The following CTIF variants were observed in gnomAD, a reference collection of about 807,000 sequenced individuals.
CTIF encodes CBP80/20-dependent translation initiation factor.
Under a neutral mutation model 66.0 loss-of-function variants are expected in CTIF, and 21 were observed. That is an observed-to-expected ratio of 0.32 (90% CI 0.23 to 0.46). The LOEUF (loss-of-function observed/expected upper bound fraction) is 0.46. Among genes scored for constraint, CTIF ranks in the 20% least tolerant of loss-of-function variants. CTIF has a pLI of 1.00. For missense variants in CTIF, 739 were observed against 812.7 expected (o/e 0.91, Z 1.10); for synonymous variants, 345 against 326.4 (o/e 1.06, Z -0.62).
At chr18:48,647,968 G>A (rs1281292268) in intron 3 of CTIF, among the ~76,000 whole-genome samples, 3 of 152,162 alleles carry the variant, frequency 2.0e-5, no homozygotes, top group Non-Finnish European at 4.4e-5. Context: ...TGGAATGGGG[G>A]GTGTTGATTT....
intron 7 of CTIF, among the ~76,000 whole-genome samples, chr18:48,738,542 C>G (rs540850151): frequency 6.6e-6 from 1 of 152,056 alleles, no homozygotes; most frequent in Non-Finnish European, 1.5e-5. Flanking sequence ...TGTTCCCCCT[C>G]CCCGGATTGC....
intron 6 of CTIF, among the ~76,000 whole-genome samples, chr18:48,684,992 T>C (rs2091811055): frequency 6.6e-6 from 1 of 151,994 alleles, no homozygotes; most frequent in Admixed American, 6.5e-5. Flanking sequence ...ATGTTCTTGA[T>C]AGCTAAAGAA....
At chr18:48,624,972 C>G (rs906335711) in intron 2 of CTIF, among the ~76,000 whole-genome samples, 4 of 152,176 alleles carry the variant, frequency 2.6e-5, no homozygotes, top group Non-Finnish European at 5.9e-5. Context: ...ATGCAGTGAT[C>G]TTTACAAAGG....
intron 9 of CTIF, among the ~76,000 whole-genome samples, chr18:48,764,470 G>C (rs996673122): frequency 1.3e-5 from 2 of 152,156 alleles, no homozygotes; most frequent in Non-Finnish European, 2.9e-5. Flanking sequence ...TATCCCAGGG[G>C]CTGCATAGTG....
In CTIF at chr18:48,619,594, C is replaced by T; in HGVS notation, c.29C>T (p.Ser10Phe). 1 of 1,593,628 alleles carries T rather than the reference C, an allele frequency of 6.3e-7. No individual in the cohort carries two copies. Among genetic ancestry groups the T allele is most frequent in the Non-Finnish European group, 8.5e-7 (1 of 1,170,368 alleles). ...GAAAACTCCTCTGCAGCATCAGCCT[C>T]CTCGGAGGCAGGGAGCAGCCGCTCC... MENSSAASA[S>F]SEAGSSRSQE... Residue 10 changes from serine (S) to phenylalanine (F), a missense_variant, in exon 2 of 12, where the codon TCC (serine) becomes TTC (phenylalanine). By Grantham distance (155) the Ser-to-Phe change is radical. Coordinates refer to ENST00000256413, the MANE Select transcript of CTIF (RefSeq NM_014772.3).
chr18:48,845,600 C>A (rs979874852), intron 10 of CTIF, among the ~76,000 whole-genome samples: 1 of 152,156 alleles, frequency 6.6e-6, no homozygotes, highest in Admixed American at 6.5e-5. Flanking sequence ...ATGTGTTCTC[C>A]AGGTCACCTC....
At chr18:48,673,214 A>C (rs2091565611) in intron 6 of CTIF, among the ~76,000 whole-genome samples, 1 of 152,170 alleles carries the variant, frequency 6.6e-6, no homozygotes, top group African/African-American at 2.4e-5. Context: ...CTTCAGCCTC[A>C]TAACCCCAGC....
chr18:48,794,730 G>C (rs899576326), intron 9 of CTIF, among the ~76,000 whole-genome samples: 6 of 152,214 alleles, frequency 3.9e-5, no homozygotes, highest in Non-Finnish European at 7.3e-5. Flanking sequence ...GGAGATGCTT[G>C]TCAGACTGGA....
intron 1 of CTIF, among the ~76,000 whole-genome samples, chr18:48,587,997 G>A (rs1177613846): frequency 6.6e-6 from 1 of 152,166 alleles, no homozygotes; most frequent in Non-Finnish European, 1.5e-5. Flanking sequence ...GGGAAAATGT[G>A]GTTAAATTAC....
At chr18:48,641,618 C>T (rs536903794) in intron 3 of CTIF, among the ~76,000 whole-genome samples, 3 of 152,348 alleles carry the variant, frequency 2.0e-5, no homozygotes, top group African/African-American at 4.8e-5. Flanking sequence ...GTCAAAGAGC[C>T]TTGTCCCAAG....
intron 3 of CTIF, chr18:48,662,454 TCAGA>T (rs1464024795): frequency 6.6e-6 from 1 of 151,624 alleles, no homozygotes; most frequent in East Asian, 2.0e-4. Flanking sequence ...TTGCCCAGAG[TCAGA>T]CAGCCCAGGT....
intron 9 of CTIF, among the ~76,000 whole-genome samples, chr18:48,810,519 T>A (rs1416119607): frequency 1.3e-5 from 2 of 152,136 alleles, no homozygotes; most frequent in East Asian, 3.8e-4. Context: ...AGTCCCAGTA[T>A]GTAACCTGTA....
At chr18:48,813,405 G>A (rs1312664940) in intron 9 of CTIF, among the ~76,000 whole-genome samples, 1 of 152,158 alleles carries the variant, frequency 6.6e-6, no homozygotes, top group Non-Finnish European at 1.5e-5. Context: ...AAGTTTTCAC[G>A]ACACTGCTCC....
At chr18:48,857,711 G>A in intron 11 of CTIF, 70 bp downstream of exon 11, 1 of 1,431,404 alleles carries the variant, frequency 7.0e-7, no homozygotes, top group Non-Finnish European at 9.5e-7. Context: ...CAGTTCTAGG[G>A]GCACGAGGGT....
intron 10 of CTIF, among the ~76,000 whole-genome samples, chr18:48,853,282 G>A (rs1031781192): frequency 9.9e-5 from 15 of 152,170 alleles, no homozygotes; most frequent in African/African-American, 3.4e-4. Flanking sequence ...TGGGAGGTAG[G>A]TGGGGGATGG....
chr18:48,825,180 C>A (rs911152202), intron 10 of CTIF, among the ~76,000 whole-genome samples: 14 of 152,114 alleles, frequency 9.2e-5, no homozygotes, highest in African/African-American at 3.4e-4. Context: ...TCTCTGTACC[C>A]ACCTCCTGAT....
chr18:48,592,340 C>A (rs923976787), intron 1 of CTIF, among the ~76,000 whole-genome samples: 69 of 151,712 alleles, frequency 4.5e-4, no homozygotes, highest in African/African-American at 1.4e-3. Context: ...CTACTAAAAA[C>A]TACAAAATTA....
chr18:48,817,107 G>A (rs991715937), intron 9 of CTIF, 114 bp from the exon 10 acceptor site: 8 of 1,056,412 alleles, frequency 7.6e-6, no homozygotes, highest in African/African-American at 1.6e-5. Flanking sequence ...AAAACATGGG[G>A]TTTGCCTGCT....
At chr18:48,717,120 C>T (rs539093047) in intron 7 of CTIF, among the ~76,000 whole-genome samples, 8 of 152,126 alleles carry the variant, frequency 5.3e-5, no homozygotes, top group East Asian at 3.9e-4. Context: ...ATTTTGGGGC[C>T]GGGCGTGGAG....
Sources: gnomAD v4.1 joint callset for allele counts (sites outside exome capture counted in the v4.1 genomes callset) on GRCh38, gnomAD v4.1.1 for gene constraint, MANE v1.5 for transcripts, NCBI Gene and HGNC (gene_info 2026-07-23, HGNC 2026-07-21) for gene names.